The following SNX29 variants were observed in gnomAD, a reference collection of about 807,000 sequenced individuals.
SNX29 encodes the protein sorting nexin-29.
SNX29 carries 78 observed loss-of-function variants against 102.1 expected under a neutral mutation model. That is an observed-to-expected ratio of 0.76 (90% CI 0.64 to 0.92). The LOEUF (loss-of-function observed/expected upper bound fraction) is 0.92. Ranked by LOEUF, SNX29 falls within the 40% of genes least tolerant of loss-of-function variation. The pLI, the probability that SNX29 is intolerant of heterozygous loss-of-function variation, is 0.00. For missense variants in SNX29, 1,280 were observed against 1,061.7 expected (o/e 1.21, Z -2.86); for synonymous variants, 580 against 414.5 (o/e 1.40, Z -4.85).
At chr16:12,248,916 A>G (rs774924205) in intron 14 of SNX29, among the ~76,000 whole-genome samples, 1 of 152,200 alleles carries the variant, frequency 6.6e-6, no homozygotes, top group Non-Finnish European at 1.5e-5. Flanking sequence ...CTTAGTGTCC[A>G]GAACAGTGAG....
At chr16:12,238,360 C>G (rs866947306) in intron 14 of SNX29, among the ~76,000 whole-genome samples, 17 of 148,406 alleles carry the variant, frequency 1.1e-4, no homozygotes, top group Non-Finnish European at 2.2e-4. Flanking sequence ...GGAGTGTACT[C>G]TGGGAGGATC....
rs943954406 is a variant in SNX29 at position 12,573,309 on chromosome 16, G to C, written c.*4680G>C. ...TGAGCCATTGCCATCTTATGGGCCC[G>C]ATTTGGGTACTCTGAATTATGTCAT... On this transcript the variant is annotated 3_prime_UTR_variant, in exon 21 of 21. Coordinates refer to ENST00000566228, the MANE Select transcript of SNX29 (RefSeq NM_032167.5). The C allele has an allele frequency of 4.4e-6, 1 of 226,498 alleles. No homozygotes were observed. The highest frequency in any genetic ancestry group is 5.7e-5 in the Admixed American group (1 of 17,522). The allele number at this position is 226,498 out of a possible 1,614,324, so 14.0% of individuals were successfully genotyped here.
intron 15 of SNX29, among the ~76,000 whole-genome samples, chr16:12,345,531 T>G (rs933995604): frequency 2.6e-5 from 4 of 152,204 alleles, no homozygotes; most frequent in African/African-American, 9.7e-5. Context: ...TTCCTTTTAT[T>G]GCATGAAAGA....
intron 16 of SNX29, among the ~76,000 whole-genome samples, chr16:12,378,317 G>A (rs1053590749): frequency 6.6e-6 from 1 of 152,104 alleles, no homozygotes; most frequent in Admixed American, 6.5e-5. Context: ...GCAAGAGAGT[G>A]GGGAGGTGCC....
rs185124645 is a variant in SNX29, at chr16:12,304,712, C to G, written c.1782+26676C>G. 4.1e-4 allele frequency among the ~76,000 whole-genome samples: 62 copies of G among 152,292 alleles called. 1 individual carries two copies. In the East Asian group the frequency reaches 9.6e-3, roughly 24 times the overall value. On this transcript the variant is annotated intron_variant, in intron 15 of 20. Transcript: ENST00000566228. Reference sequence around the variant, plus strand: ...CTGGCCAGCTTCACTTATTTTCTTGCTTCTCCTCCTATTTTATTTCCTCAC... The same window carrying G: ...CTGGCCAGCTTCACTTATTTTCTTGGTTCTCCTCCTATTTTATTTCCTCAC...
At chr16:12,106,611 C>A (rs2053257815) in intron 11 of SNX29, among the ~76,000 whole-genome samples, 1 of 151,436 alleles carries the variant, frequency 6.6e-6, no homozygotes, top group Non-Finnish European at 1.5e-5. Flanking sequence ...GTAGCTGGGA[C>A]TACAGGCACG....
chr16:12,565,958 G>A (rs78405660), intron 20 of SNX29, among the ~76,000 whole-genome samples: 3 of 152,044 alleles, frequency 2.0e-5, no homozygotes, highest in African/African-American at 7.2e-5. Flanking sequence ...CATCCTCAAT[G>A]ACACTGTGGC....
intron 8 of SNX29, among the ~76,000 whole-genome samples, chr16:12,060,143 C>CG (rs1374003929): frequency 6.9e-6 from 1 of 145,032 alleles, no homozygotes; most frequent in Non-Finnish European, 1.5e-5. Flanking sequence ...AAAAATATTA[C>CG]CAAAAAAAAA....
chr16:12,259,506 G>T (rs149871024), intron 14 of SNX29, among the ~76,000 whole-genome samples: 36 of 152,274 alleles, frequency 2.4e-4, no homozygotes, highest in African/African-American at 8.4e-4. Flanking sequence ...CTGGCTCCCC[G>T]CAGCTTTTAT....
intron 15 of SNX29, among the ~76,000 whole-genome samples, chr16:12,282,964 A>C (rs1470733700): frequency 6.6e-6 from 1 of 152,068 alleles, no homozygotes; most frequent in African/African-American, 2.4e-5. Flanking sequence ...GCCCACAGTT[A>C]AGTCTTAACT....
chr16:12,198,655 T>C (rs1296924950), intron 13 of SNX29, among the ~76,000 whole-genome samples: 3 of 152,228 alleles, frequency 2.0e-5, no homozygotes, highest in Non-Finnish European at 4.4e-5. Context: ...TCAAAGCAGA[T>C]GGCGAAGAGT....
At chr16:12,446,172 C>T (rs1261226561) in intron 18 of SNX29, among the ~76,000 whole-genome samples, 1 of 149,564 alleles carries the variant, frequency 6.7e-6, no homozygotes, top group Non-Finnish European at 1.5e-5. Context: ...TGTTCAGCTT[C>T]TGCCTCCTGA....
rs191132847 is a variant in SNX29 at position 12,046,520 on chromosome 16, G to T, written c.499+66G>T. 1,991 of 1,467,824 alleles carry T rather than the reference G, an allele frequency of 1.4e-3. 22 individuals are homozygous for T. In the African/African-American group the frequency reaches 0.025, roughly 18 times the overall value. The allele number at this position is 1,467,824 out of a possible 1,614,324, so 90.9% of individuals were successfully genotyped here. Reference sequence around the variant, plus strand: ...TTGGCAGAGGGGCTGCCTTGGGGCAGTTCCACAGCGCCATGGAGTGTTGTG... The same window carrying T: ...TTGGCAGAGGGGCTGCCTTGGGGCATTTCCACAGCGCCATGGAGTGTTGTG... On this transcript the variant is annotated intron_variant, in intron 6 of 20. Transcript: ENST00000566228.
At chr16:12,440,343 A>G (rs957561366) in intron 18 of SNX29, among the ~76,000 whole-genome samples, 5 of 152,126 alleles carry the variant, frequency 3.3e-5, no homozygotes, top group Admixed American at 1.3e-4. Context: ...GGTTTTCATC[A>G]CCCTGGAGAA....
chr16:12,208,528 G>A (rs1181628254), intron 14 of SNX29, among the ~76,000 whole-genome samples: 4 of 152,082 alleles, frequency 2.6e-5, no homozygotes, highest in South Asian at 4.1e-4. Context: ...GGTGGCTCAC[G>A]CCTATAACCC....
intron 8 of SNX29, among the ~76,000 whole-genome samples, chr16:12,057,339 G>A (rs967075770): frequency 6.6e-6 from 1 of 152,206 alleles, no homozygotes; most frequent in Non-Finnish European, 1.5e-5. Flanking sequence ...CTTGCTGTCA[G>A]TGAGTCCTCA....
intron 1 of SNX29, among the ~76,000 whole-genome samples, chr16:11,989,700 G>GAGAGAGAGAGTTCC: frequency 6.6e-6 from 1 of 152,290 alleles, no homozygotes; most frequent in South Asian, 2.1e-4. Context: ...ATGGGAGAGA[G>GAGAGAGAGAGTTCC]TTCGTGAGGC....
chr16:12,376,583 A>C (rs1003754771), intron 16 of SNX29, among the ~76,000 whole-genome samples: 1 of 151,840 alleles, frequency 6.6e-6, no homozygotes, highest in African/African-American at 2.4e-5. Context: ...TAAAAATACA[A>C]AAATTAGCTG....
chr16:12,355,638 A>G (rs2082108580), intron 15 of SNX29, among the ~76,000 whole-genome samples: 1 of 152,178 alleles, frequency 6.6e-6, no homozygotes, highest in African/African-American at 2.4e-5. Flanking sequence ...CATTGACTAT[A>G]GACCATCTGT....
Sources: gnomAD v4.1 joint callset for allele counts (sites outside exome capture counted in the v4.1 genomes callset) on GRCh38, gnomAD v4.1.1 for gene constraint, MANE v1.5 for transcripts, NCBI Gene and HGNC (gene_info 2026-07-23, HGNC 2026-07-21) for gene names.